Variants in LRRC58 observed in about 807,000 individuals in gnomAD.
LRRC58 encodes leucine-rich repeat-containing protein 58.
A neutral mutation model predicts 30.6 loss-of-function variants in LRRC58; 18 were observed. The observed-to-expected ratio is 0.59, with a 90% CI of 0.41 to 0.87. LRRC58 has a LOEUF of 0.87. Among genes scored for constraint, LRRC58 ranks in the 40% least tolerant of loss-of-function variants. The pLI, the probability that LRRC58 is intolerant of heterozygous loss-of-function variation, is 0.00. For synonymous variants in LRRC58, 221 were observed against 206.0 expected, an observed-to-expected ratio of 1.07 and a Z score of -0.62; for missense variants, 420 against 468.4, an observed-to-expected ratio of 0.90 and a Z score of 0.95.
At position 120,349,030 on chromosome 3, in the gene LRRC58, G is replaced by T. The variant is rs370144560; in HGVS notation, c.214C>A (p.Leu72Met). 78 of 1,518,682 alleles carry T rather than the reference G, an allele frequency of 5.1e-5. No homozygotes were observed. In the East Asian group the frequency reaches 9.2e-4, roughly 18 times the overall value. The allele number at this position is 1,518,682 out of a possible 1,614,324, so 94.1% of individuals were successfully genotyped here. The change falls in exon 1 of 4, where the codon CTG (leucine) becomes ATG (methionine). Residue 72 changes from leucine (L) to methionine (M), a missense_variant. Coordinates refer to ENST00000295628, the MANE Select transcript of LRRC58 (RefSeq NM_001099678.2). Reference sequence around the variant, plus strand: ...AACGCGTTGCCGCTCACGTCCAGCAGCTGGAGGTGCGGGAAGCCGCTGCCC... The same window carrying T: ...AACGCGTTGCCGCTCACGTCCAGCATCTGGAGGTGCGGGAAGCCGCTGCCC... Reference protein sequence around the residue: ...ALGSGFPHLQLLDVSGNALTA... With the variant: ...ALGSGFPHLQMLDVSGNALTA...
At chr3:120,340,694 A>G (rs1386568356) in intron 1 of LRRC58, among the ~76,000 whole-genome samples, 1 of 152,118 alleles carries the variant, frequency 6.6e-6, no homozygotes, top group Non-Finnish European at 1.5e-5. Flanking sequence ...GCTAACTGGT[A>G]AAATACCGTC....
rs1450273455 is a variant in LRRC58, at chr3:120,327,950, T to A, written c.*3250A>T. The stretch of plus-strand genomic sequence containing the variant: ...TTAGTAAAGATGAGGTTTCACCATG[T>A]TGGCCAGGCTGGTCTCAAATTCCTG... On this transcript the variant is annotated 3_prime_UTR_variant, in exon 4 of 4. Coordinates refer to ENST00000295628, the MANE Select transcript of LRRC58 (RefSeq NM_001099678.2). The A allele has an allele frequency of 6.6e-6, 1 of 152,204 alleles. No individual in the cohort carries two copies. The highest frequency in any genetic ancestry group is 1.5e-5 in the Non-Finnish European group (1 of 68,074). The allele number at this position is 152,204 out of a possible 1,614,324, so 9.4% of individuals were successfully genotyped here.
At chr3:120,337,101 G>A (rs1006417417) in intron 1 of LRRC58, among the ~76,000 whole-genome samples, 11 of 152,070 alleles carry the variant, frequency 7.2e-5, no homozygotes, top group African/African-American at 2.4e-4. Flanking sequence ...ACCCCATCCA[G>A]ATGCACTAAA....
Position 120,326,006 on chromosome 3 carries a change from A to C in LRRC58, c.*5194T>G, listed in dbSNP as rs1935668258. 6.6e-6 allele frequency: 1 copy of C among 152,152 alleles called. No individual in the cohort carries two copies. The allele number at this position is 152,152 out of a possible 1,614,324, so 9.4% of individuals were successfully genotyped here. ...CAGTCTTTCTCCCTCAAATCAAATG[A>C]AAAAGGTAACAAGGCTGTCACAAAC... On this transcript the variant is annotated 3_prime_UTR_variant, in exon 4 of 4. Coordinates refer to ENST00000295628, the MANE Select transcript of LRRC58 (RefSeq NM_001099678.2).
Position 120,333,587 on chromosome 3 carries a change from C to T in LRRC58, c.907+1275G>A, listed in dbSNP as rs192408363. ...CCTTGTAATAGCTTCAAGACAAGAT[C>T]GGACTGCCAGAGAAAGTCTCACCTG... On this transcript the variant is annotated intron_variant, in intron 3 of 3. Transcript: ENST00000295628. 3.2e-3 allele frequency among the ~76,000 whole-genome samples: 491 copies of T among 152,322 alleles called. 4 individuals are homozygous for T. Among genetic ancestry groups the T allele is most frequent in the Non-Finnish European group, 4.3e-3 (293 of 68,028 alleles).
rs978324237 is a variant in LRRC58 at position 120,335,126 on chromosome 3, G to T, written c.643C>A (p.Arg215Ser). The part of the protein sequence containing the change: ...PPQLSQLHSL[R>S]SLSLHNNLLT... ...AAGTTATTGTGAAGACTTAGGGAAC[G>T]AAGTGAATGTAACCTAGAATAAATG... Residue 215 changes from arginine (R) to serine (S), a missense_variant, in exon 3 of 4, where the codon CGT (arginine) becomes AGT (serine). By Grantham distance (110) the Arg-to-Ser change is moderately radical. Around this residue, in one of 2 missense-constraint regions of LRRC58, gnomAD observed 154 missense variants for 216.8 expected, o/e 0.71. Coordinates refer to ENST00000295628, the MANE Select transcript of LRRC58 (RefSeq NM_001099678.2). The T allele has an allele frequency of 1.9e-6, 3 of 1,612,550 alleles. No homozygotes were observed. The highest frequency in any genetic ancestry group is 2.5e-6 in the Non-Finnish European group (3 of 1,178,972).
Position 120,326,031 on chromosome 3 carries a change from C to A in LRRC58, c.*5169G>T, listed in dbSNP as rs1935668646. 6.6e-6 allele frequency: 1 copy of A among 152,126 alleles called. No individual in the cohort carries two copies. The highest frequency in any genetic ancestry group is 1.5e-5 in the Non-Finnish European group (1 of 68,030). The allele number at this position is 152,126 out of a possible 1,614,324, so 9.4% of individuals were successfully genotyped here. A position where few individuals can be genotyped will look rare whatever the true frequency, so the allele number is the denominator to read the frequency against. ...AAAAAGGTAACAAGGCTGTCACAAA[C>A]AACTTATTAAATAATATAGCTCTCC... On this transcript the variant is annotated 3_prime_UTR_variant, in exon 4 of 4. Coordinates refer to ENST00000295628, the MANE Select transcript of LRRC58 (RefSeq NM_001099678.2).
rs772753939 is a variant in LRRC58, at chr3:120,331,282, C to T, written c.1034G>A (p.Ser345Asn). 2 of 1,613,968 alleles carry T rather than the reference C, an allele frequency of 1.2e-6. No homozygotes were observed. The highest frequency in any genetic ancestry group is 1.7e-6 in the Non-Finnish European group (2 of 1,179,860). The stretch of plus-strand genomic sequence containing the variant: ...GTCAGATTCACTCTGGGAAGTGGAG[C>T]TGTGAGAGGCAGAACTGCAAGGGGA... ...CSSPCSSASH[S>N]STSQSESDSE... Residue 345 changes from serine to asparagine, a missense_variant, in exon 4 of 4, where the codon AGC becomes AAC. Transcript: ENST00000295628.
At chr3:120,335,347 G>C (rs1483710959) in intron 2 of LRRC58, among the ~76,000 whole-genome samples, 1 of 152,292 alleles carries the variant, frequency 6.6e-6, no homozygotes, top group Non-Finnish European at 1.5e-5. Context: ...TGCAATCTTG[G>C]CGAATTTAGA....
rs1935692666 is a variant in LRRC58, at chr3:120,327,291, G to GCCC, written c.*3906_*3908dup. 7.6e-6 allele frequency: 1 copy of GCCC among 132,172 alleles called. No homozygotes were observed. Among genetic ancestry groups the GCCC allele is most frequent in the Non-Finnish European group, 1.5e-5 (1 of 64,838 alleles). The allele number at this position is 132,172 out of a possible 1,614,324, so 8.2% of individuals were successfully genotyped here. On this transcript the variant is annotated 3_prime_UTR_variant, in exon 4 of 4. Coordinates refer to ENST00000295628, the MANE Select transcript of LRRC58 (RefSeq NM_001099678.2). ...TTTTGAGACGGAGTCTCGCTCTGTG[G>GCCC]CCCAGGCGGGAGTGCAGTGGCGCAA... is the stretch of plus-strand genomic sequence containing the variant.
At chr3:120,336,354 T>G (rs1438537446) in intron 1 of LRRC58, among the ~76,000 whole-genome samples, 2 of 152,206 alleles carry the variant, frequency 1.3e-5, no homozygotes, top group Admixed American at 6.5e-5. Flanking sequence ...CTTAGCCCAT[T>G]TAGACAAGAA....
intron 1 of LRRC58, among the ~76,000 whole-genome samples, chr3:120,336,918 AT>A (rs917909427): frequency 6.6e-6 from 1 of 150,632 alleles, no homozygotes; most frequent in African/African-American, 2.4e-5. Context: ...ACACATACAG[AT>A]TTTTTCTCCC....
intron 1 of LRRC58, among the ~76,000 whole-genome samples, chr3:120,337,094 C>A (rs1026752495): frequency 3.3e-5 from 5 of 152,018 alleles, no homozygotes; most frequent in Non-Finnish European, 7.4e-5. Flanking sequence ...AGTCCTGACC[C>A]CATCCAGATG....
At position 120,331,336 on chromosome 3, in the gene LRRC58, A is replaced by T; in HGVS notation, c.980T>A (p.Met327Lys). ...ACATTCTGGTGAACACAAGTAGTGCATCAGTGGGAGGCGATACTTCCCACA... is the reference window on the plus strand; with the variant it reads ...ACATTCTGGTGAACACAAGTAGTGCTTCAGTGGGAGGCGATACTTCCCACA... ...DFCGKYRLPLMHYLCSPECSS... is the reference protein window; with the variant it reads ...DFCGKYRLPLKHYLCSPECSS... The change falls in exon 4 of 4, where the codon ATG becomes AAG. Residue 327 changes from methionine to lysine, a missense_variant. Met to Lys is a moderately conservative substitution (Grantham distance 95). This residue lies in a region of LRRC58 where 154 missense variants were observed against 216.8 expected (regional missense o/e 0.71). Coordinates refer to ENST00000295628, the MANE Select transcript of LRRC58 (RefSeq NM_001099678.2). 1 of 1,613,996 alleles carries T rather than the reference A, an allele frequency of 6.2e-7. No individual in the cohort carries two copies. Among genetic ancestry groups the T allele is most frequent in the Non-Finnish European group, 8.5e-7 (1 of 1,179,826 alleles).
chr3:120,339,933 G>A (rs985739172), intron 1 of LRRC58, among the ~76,000 whole-genome samples: 1 of 151,796 alleles, frequency 6.6e-6, no homozygotes, highest in Non-Finnish European at 1.5e-5. Flanking sequence ...GCACGATCTC[G>A]GCTCACTGCA....
intron 1 of LRRC58, among the ~76,000 whole-genome samples, chr3:120,347,750 T>C (rs1459916597): frequency 6.6e-6 from 1 of 152,204 alleles, no homozygotes; most frequent in Non-Finnish European, 1.5e-5. Context: ...CCTTTAACGT[T>C]CTGTTATCTC....
At chr3:120,342,474 A>T (rs929456976) in intron 1 of LRRC58, among the ~76,000 whole-genome samples, 2 of 152,118 alleles carry the variant, frequency 1.3e-5, no homozygotes, top group African/African-American at 4.8e-5. Flanking sequence ...GCCGGGAGAG[A>T]GGAACCACCC....
chr3:120,343,112 AG>A (rs1352271412), intron 1 of LRRC58, among the ~76,000 whole-genome samples: 1 of 152,246 alleles, frequency 6.6e-6, no homozygotes, highest in Non-Finnish European at 1.5e-5. Flanking sequence ...TGACTGTGGC[AG>A]AAAAGGATCT....
Position 120,335,896 on chromosome 3 carries a change from T to C in LRRC58, c.558A>G (p.Gly186=). The change falls in exon 2 of 4, where the codon GGA becomes GGG. Residue 186 remains glycine, a synonymous_variant. Transcript: ENST00000295628. ...CCAAATAATTCAGAGAAGGCAGATTTCCTAATTCTGGTGGGATTTCTTTAA... is the reference window on the plus strand; with the variant it reads ...CCAAATAATTCAGAGAAGGCAGATTCCCTAATTCTGGTGGGATTTCTTTAA... The part of the protein sequence containing the change: ...NFIKEIPPEL[G]NLPSLNYLVL... 6.2e-7 allele frequency: 1 copy of C among 1,600,910 alleles called. No homozygotes were observed. The highest frequency in any genetic ancestry group is 8.6e-7 in the Non-Finnish European group (1 of 1,168,340).
Sources: gnomAD v4.1 joint callset for allele counts (sites outside exome capture counted in the v4.1 genomes callset) on GRCh38, gnomAD v4.1.1 for gene constraint, gnomAD v4.1.1 regional missense constraint, MANE v1.5 for transcripts, NCBI Gene and HGNC (gene_info 2026-07-23, HGNC 2026-07-21) for gene names.